JADE3: variants seen among roughly 807,000 people sequenced by gnomAD.
JADE3 encodes the protein protein Jade-3.
JADE3 carries 2 observed loss-of-function variants against 50.1 expected under a neutral mutation model. The observed-to-expected ratio is 0.04, with a 90% CI of 0.02 to 0.13. The LOEUF (loss-of-function observed/expected upper bound fraction) is 0.13. Among genes scored for constraint, JADE3 ranks in the 10% least tolerant of loss-of-function variants. The pLI is 1.00. For synonymous variants in JADE3, 218 were observed against 232.9 expected (o/e 0.94, Z 0.58); for missense variants, 475 against 634.4 (o/e 0.75, Z 2.70).
At chrX:46,967,083 G>T (rs1927384099) in intron 1 of JADE3, among the ~76,000 whole-genome samples, 1 of 112,342 alleles carries the variant, frequency 8.9e-6, no homozygotes, top group African/African-American at 3.2e-5. Context: ...TTTTCCCAAA[G>T]TTGCTTTAAG....
intron 3 of JADE3, among the ~76,000 whole-genome samples, chrX:46,987,539 C>G (rs1471939467): frequency 8.9e-6 from 1 of 112,184 alleles, no homozygotes; most frequent in African/African-American, 3.2e-5. Flanking sequence ...CCTTGGAGGT[C>G]ACTTTTCATT....
intron 1 of JADE3, among the ~76,000 whole-genome samples, chrX:46,929,214 A>G (rs1192464100): frequency 8.9e-6 from 1 of 112,053 alleles, no homozygotes. Flanking sequence ...GCTGTATCCT[A>G]CTTGTCTCAC....
In JADE3 at chrX:47,058,712, A is replaced by G. The variant is rs1556374109; in HGVS notation, c.2107A>G (p.Ser703Gly). 1 of 1,211,297 alleles carries G rather than the reference A, an allele frequency of 8.3e-7. No individual in the cohort carries two copies. The highest frequency in any genetic ancestry group is 1.8e-5 in the South Asian group (1 of 56,892). The change falls in exon 11 of 11, where the codon AGC (serine) becomes GGC (glycine). Residue 703 changes from serine to glycine, a missense_variant. Physicochemically the swap from Ser to Gly is moderately conservative, Grantham distance 56. Coordinates refer to ENST00000614628, the MANE Select transcript of JADE3 (RefSeq NM_014735.5). ...CAGCCCCCACTTGGTCAGTCAGGGC[A>G]GCTTTAGAAAATCCACTGTAGAACA... is the stretch of plus-strand genomic sequence containing the variant. ...VFSPHLVSQGSFRKSTVEHFS... is the reference protein window; with the variant it reads ...VFSPHLVSQGGFRKSTVEHFS...
intron 1 of JADE3, among the ~76,000 whole-genome samples, chrX:46,950,546 G>T (rs1283192649): frequency 2.7e-5 from 3 of 112,148 alleles, no homozygotes; most frequent in African/African-American, 9.7e-5. Context: ...TAGCAGATGG[G>T]TATTTGGGAT....
chrX:46,980,876 C>T (rs1219706044), intron 1 of JADE3, among the ~76,000 whole-genome samples: 1 of 111,040 alleles, frequency 9.0e-6, no homozygotes, highest in Non-Finnish European at 1.9e-5. Context: ...GGGACATTAT[C>T]CTGGATTATC....
At chrX:46,973,847 G>A (rs781967946) in intron 1 of JADE3, among the ~76,000 whole-genome samples, 4 of 109,708 alleles carry the variant, frequency 3.6e-5, no homozygotes, top group Admixed American at 2.9e-4. Context: ...TTGGGAGGCC[G>A]AAGTGGGTGG....
intron 4 of JADE3, among the ~76,000 whole-genome samples, chrX:47,001,628 G>A (rs886076435): frequency 1.3e-4 from 14 of 111,646 alleles, no homozygotes; most frequent in African/African-American, 4.6e-4. Context: ...GTCAAACTAT[G>A]TCTTGTGATT....
chrX:47,041,241 T>C (rs782593110), intron 8 of JADE3, among the ~76,000 whole-genome samples: 6 of 112,096 alleles, frequency 5.4e-5, no homozygotes, highest in Admixed American at 9.5e-5. Flanking sequence ...ACATTCATGT[T>C]TTATTGTACC....
intron 4 of JADE3, among the ~76,000 whole-genome samples, chrX:47,003,134 C>T (rs1928325456): frequency 9.0e-6 from 1 of 110,983 alleles, no homozygotes; most frequent in African/African-American, 3.3e-5. Context: ...TTGAACAAGC[C>T]TTGCATTGCT....
At chrX:47,027,801 A>G in intron 5 of JADE3, 91 bp from the exon 6 acceptor site, 1 of 739,025 alleles carries the variant, frequency 1.4e-6, no homozygotes, top group East Asian at 3.2e-5. Flanking sequence ...ATCCTTTAGA[A>G]TCCTACCCAC....
intron 1 of JADE3, among the ~76,000 whole-genome samples, chrX:46,936,061 C>T (rs1243983792): frequency 4.8e-5 from 5 of 103,831 alleles, no homozygotes; most frequent in African/African-American, 1.8e-4. Context: ...CTCTGTCACC[C>T]AGGCTGGAGT....
chrX:46,914,293 A>G (rs1484707124), intron 1 of JADE3, among the ~76,000 whole-genome samples: 1 of 111,853 alleles, frequency 8.9e-6, no homozygotes, highest in Non-Finnish European at 1.9e-5. Flanking sequence ...AATACTTCCA[A>G]AACATCTGTA....
At chrX:46,928,348 T>C (rs1556339278) in intron 1 of JADE3, among the ~76,000 whole-genome samples, 2 of 112,000 alleles carry the variant, frequency 1.8e-5, no homozygotes, top group African/African-American at 6.5e-5. Context: ...CATTAAGTCC[T>C]GTCTTTTCTA....
Position 46,996,141 on chromosome X carries a change from A to C in JADE3, c.127-1979A>C, listed in dbSNP as rs782624675. ...AGCCTCCGCCTCCTGGGTTCAAGCA[A>C]TTCTCCTGCCTCAGCCTCCCAAGTA... is the stretch of plus-strand genomic sequence containing the variant. On this transcript the variant is annotated intron_variant, in intron 3 of 10. Coordinates refer to ENST00000614628, the MANE Select transcript of JADE3 (RefSeq NM_014735.5). Among the ~76,000 whole-genome samples the C allele has an allele frequency of 1.1e-4, 12 of 111,825 alleles. No individual in the cohort carries two copies. The East Asian group carries it at 3.4e-3, about 31-fold the overall frequency.
At chrX:46,967,227 TAAC>T (rs1556349251) in intron 1 of JADE3, among the ~76,000 whole-genome samples, 2 of 112,229 alleles carry the variant, frequency 1.8e-5, no homozygotes, top group African/African-American at 6.5e-5. Flanking sequence ...GATTTTCAGA[TAAC>T]AAAATATTGA....
chrX:47,019,418 T>C (rs894139445), intron 4 of JADE3, among the ~76,000 whole-genome samples: 1 of 111,274 alleles, frequency 9.0e-6, no homozygotes, highest in African/African-American at 3.3e-5. Flanking sequence ...AGGGTCGCAC[T>C]CTGTCACCCA....
chrX:46,950,069 G>A (rs1397570603), intron 1 of JADE3, among the ~76,000 whole-genome samples: 1 of 111,908 alleles, frequency 8.9e-6, no homozygotes, highest in Non-Finnish European at 1.9e-5. Context: ...TATGCTGAAT[G>A]AAAAATAGCC....
At chrX:46,974,021 A>G (rs1927555320) in intron 1 of JADE3, among the ~76,000 whole-genome samples, 1 of 111,716 alleles carries the variant, frequency 9.0e-6, no homozygotes, top group Non-Finnish European at 1.9e-5. Flanking sequence ...CGGAGGTTGC[A>G]GTGAGCCAAG....
chrX:46,992,253 A>G (rs1193442410), intron 3 of JADE3, among the ~76,000 whole-genome samples: 1 of 110,577 alleles, frequency 9.0e-6, no homozygotes, highest in Non-Finnish European at 1.9e-5. Flanking sequence ...GTACCCAGAC[A>G]GCACCACTCT....
Sources: allele counts gnomAD v4.1 joint callset (sites outside exome capture counted in the v4.1 genomes callset), GRCh38; gene constraint gnomAD v4.1.1; transcripts MANE v1.5; gene names NCBI Gene and HGNC (gene_info 2026-07-23, HGNC 2026-07-21).